ITPR2: variants seen among roughly 807,000 people sequenced by gnomAD.
The protein encoded by ITPR2 is inositol 1,4,5-trisphosphate-gated calcium channel ITPR2.
ITPR2 carries 207 observed loss-of-function variants against 317.1 expected under a neutral mutation model. The observed-to-expected ratio is 0.65, with a 90% CI of 0.58 to 0.73. The LOEUF (loss-of-function observed/expected upper bound fraction) is 0.73. Ranked by LOEUF, ITPR2 falls within the 30% of genes least tolerant of loss-of-function variation. ITPR2 has a pLI of 0.00. For missense variants in ITPR2, 2,613 were observed against 3,284.0 expected (o/e 0.80, Z 4.99); for synonymous variants, 1,156 against 1,149.1 (o/e 1.01, Z -0.12).
chr12:26,415,488 A>C lies in ITPR2; in HGVS notation c.7121T>G (p.Leu2374Trp), dbSNP rs1340659318. The part of the protein sequence containing the change: ...EFFYSFLLFD[L>W]VYREETLLNV... The stretch of plus-strand genomic sequence containing the variant: ...CAGCAAAGTCTCTTCCCTGTACACC[A>C]AATCAAAAAGCTACAAAGATAAAGA... Residue 2374 changes from leucine (L) to tryptophan (W), a missense_variant, in exon 51 of 57, where the codon TTG becomes TGG. This residue lies in a region of ITPR2 where 78 missense variants were observed against 110.3 expected (regional missense o/e 0.71). Transcript: ENST00000381340. The C allele has an allele frequency of 6.4e-7, 1 of 1,553,882 alleles. No individual in the cohort carries two copies. The highest frequency in any genetic ancestry group is 8.7e-7 in the Non-Finnish European group (1 of 1,154,022).
chr12:26,600,742 C>T (rs1945980347), intron 28 of ITPR2, among the ~76,000 whole-genome samples: 1 of 151,946 alleles, frequency 6.6e-6, no homozygotes, highest in African/African-American at 2.4e-5. Context: ...GCTCCCATCC[C>T]CTTTTCTCCT....
At chr12:26,369,028 T>G (rs147085975) in intron 55 of ITPR2, among the ~76,000 whole-genome samples, 129 of 152,230 alleles carry the variant, frequency 8.5e-4, no homozygotes, top group African/African-American at 3.0e-3. Context: ...ATGTGCAGGA[T>G]GTAAAGGAAC....
At chr12:26,705,726 A>C (rs1948538756) in intron 9 of ITPR2, among the ~76,000 whole-genome samples, 1 of 152,162 alleles carries the variant, frequency 6.6e-6, no homozygotes, top group Non-Finnish European at 1.5e-5. Context: ...CAAAGCCAGA[A>C]TCCTATTCCT....
intron 37 of ITPR2, among the ~76,000 whole-genome samples, chr12:26,540,420 T>C (rs144444157): frequency 1.3e-4 from 20 of 152,352 alleles, no homozygotes; most frequent in African/African-American, 4.6e-4. Context: ...TTAGTGATTC[T>C]CCTTTTAGTT....
intron 55 of ITPR2, among the ~76,000 whole-genome samples, chr12:26,365,065 C>T (rs180779928): frequency 8.9e-4 from 136 of 152,230 alleles, no homozygotes; most frequent in African/African-American, 3.2e-3. Context: ...ACATGAATTG[C>T]GAAGCGAGAC....
At chr12:26,652,416 T>C (rs1947277492) in intron 21 of ITPR2, among the ~76,000 whole-genome samples, 1 of 152,236 alleles carries the variant, frequency 6.6e-6, no homozygotes, top group Non-Finnish European at 1.5e-5. Flanking sequence ...AAGTTGCTCA[T>C]TTATAATTCT....
intron 43 of ITPR2, 75 bp from the exon 44 acceptor site, chr12:26,477,082 A>G: frequency 1.1e-6 from 1 of 937,290 alleles, no homozygotes; most frequent in South Asian, 1.5e-5. Context: ...ATTTGTTTTA[A>G]TTGAGATTAC....
intron 2 of ITPR2, among the ~76,000 whole-genome samples, chr12:26,726,609 ATTTAC>A (rs1186880076): frequency 6.6e-6 from 1 of 152,154 alleles, no homozygotes; most frequent in Non-Finnish European, 1.5e-5. Context: ...AACATAACAA[ATTTAC>A]TTTATTTTGA....
At chr12:26,541,161 AAAAAAAT>A (rs1388456591) in intron 37 of ITPR2, among the ~76,000 whole-genome samples, 6 of 151,060 alleles carry the variant, frequency 4.0e-5, no homozygotes, top group African/African-American at 1.5e-4. Flanking sequence ...AAAAAAAAAA[AAAAAAAT>A]TAGCTGGACA....
rs1938015684 is a variant in ITPR2 at position 26,339,092 on chromosome 12, G to A, written c.*305C>T. Reference sequence around the variant, plus strand: ...GATTTAGCAGAAGAGAGTTCTCCCTGCCCCGTGTCTCCTTCCATCCTGCCG... The same window carrying A: ...GATTTAGCAGAAGAGAGTTCTCCCTACCCCGTGTCTCCTTCCATCCTGCCG... On this transcript the variant is annotated 3_prime_UTR_variant, in exon 57 of 57. Transcript: ENST00000381340. The A allele has an allele frequency of 1.1e-5, 3 of 269,302 alleles. No homozygotes were observed. The South Asian group carries it at 2.1e-4, about 18-fold the overall frequency. The allele number at this position is 269,302 out of a possible 1,614,324, so 16.7% of individuals were successfully genotyped here. A position where few individuals can be genotyped will look rare whatever the true frequency, so the allele number is the denominator to read the frequency against.
chr12:26,641,918 CTT>C (rs1405302814), intron 21 of ITPR2, among the ~76,000 whole-genome samples: 1 of 134,580 alleles, frequency 7.4e-6, no homozygotes, highest in Non-Finnish European at 1.6e-5. Flanking sequence ...TTTTATAAAA[CTT>C]ATAAAAGCTT....
chr12:26,550,433 GA>G, intron 36 of ITPR2, 78 bp from the exon 37 acceptor site: 1 of 673,744 alleles, frequency 1.5e-6, no homozygotes, highest in Non-Finnish European at 2.6e-6. Flanking sequence ...GGCCATAGGG[GA>G]AAAAATTTAC....
At chr12:26,711,888 C>T (rs1948648063) in intron 8 of ITPR2, among the ~76,000 whole-genome samples, 1 of 152,170 alleles carries the variant, frequency 6.6e-6, no homozygotes, top group African/African-American at 2.4e-5. Context: ...AACGTCAAGG[C>T]CTAAGGTCTA....
At chr12:26,598,519 G>GTT (rs1945910139) in intron 30 of ITPR2, among the ~76,000 whole-genome samples, 1 of 152,134 alleles carries the variant, frequency 6.6e-6, no homozygotes, top group African/African-American at 2.4e-5. Flanking sequence ...CTTCTCCAAT[G>GTT]TATCATACTT....
intron 1 of ITPR2, among the ~76,000 whole-genome samples, chr12:26,818,667 C>G (rs1314476106): frequency 6.6e-6 from 1 of 152,068 alleles, no homozygotes; most frequent in Non-Finnish European, 1.5e-5. Flanking sequence ...TTCCTAGCCA[C>G]AAGTATAGGA....
At chr12:26,462,597 T>C (rs1306881151) in intron 45 of ITPR2, among the ~76,000 whole-genome samples, 3 of 152,190 alleles carry the variant, frequency 2.0e-5, no homozygotes, top group African/African-American at 7.2e-5. Context: ...CTCTCTGTCC[T>C]GACATTCTGT....
chr12:26,749,346 T>C (rs560634414), intron 2 of ITPR2, among the ~76,000 whole-genome samples: 2 of 152,318 alleles, frequency 1.3e-5, no homozygotes, highest in African/African-American at 4.8e-5. Context: ...ATGTCAAGCA[T>C]TAGTGGAAAA....
intron 49 of ITPR2, among the ~76,000 whole-genome samples, chr12:26,427,081 A>C (rs1941081933): frequency 6.6e-6 from 1 of 152,214 alleles, no homozygotes; most frequent in South Asian, 2.1e-4. Context: ...CCTTAAGCAT[A>C]GTAAAATGTA....
At position 26,357,264 on chromosome 12, in the gene ITPR2, G is replaced by C. The variant is rs1435188920; in HGVS notation, c.7858-16936C>G. On this transcript the variant is annotated intron_variant, in intron 55 of 56. Transcript: ENST00000381340. ...TCTGGAAAGGGAAGGAAGGATGCTG[G>C]AGATCGAGTTCATTCACATGGCCAA... Among the ~76,000 whole-genome samples, 8 of 152,164 alleles carry C rather than the reference G, an allele frequency of 5.3e-5. 1 individual carries two copies. Among genetic ancestry groups the C allele is most frequent in the Non-Finnish European group, 4.4e-5 (3 of 67,970 alleles).
Sources: allele counts gnomAD v4.1 joint callset (sites outside exome capture counted in the v4.1 genomes callset), GRCh38; gene constraint gnomAD v4.1.1; regional missense constraint gnomAD v4.1.1; transcripts MANE v1.5; gene names NCBI Gene and HGNC (gene_info 2026-07-23, HGNC 2026-07-21).